Variants in GLRB observed in about 807,000 individuals in gnomAD.
GLRB encodes the protein glycine receptor beta, also known as glycine receptor subunit beta.
A neutral mutation model predicts 54.2 loss-of-function variants in GLRB; 33 were observed. That is an observed-to-expected ratio of 0.61 (90% CI 0.46 to 0.81). GLRB has a LOEUF of 0.81. GLRB is among the 40% of genes least tolerant of loss of function. GLRB has a pLI of 0.00. For synonymous variants in GLRB, 209 were observed against 208.2 expected, an observed-to-expected ratio of 1.00 and a Z score of -0.03; for missense variants, 572 against 584.6, an observed-to-expected ratio of 0.98 and a Z score of 0.22.
chr4:157,100,865 T>C (rs1734994209), intron 2 of GLRB, among the ~76,000 whole-genome samples: 1 of 152,006 alleles, frequency 6.6e-6, no homozygotes, highest in Admixed American at 6.6e-5. Context: ...AACTAGGAAA[T>C]TTTTGGTGCC....
chr4:157,117,450 G>T (rs149048273), intron 2 of GLRB, among the ~76,000 whole-genome samples: 3 of 151,518 alleles, frequency 2.0e-5, no homozygotes, highest in African/African-American at 7.3e-5. Context: ...GTTTAATCAC[G>T]TGAACATGAC....
At chr4:157,113,018 T>C (rs1252958159) in intron 2 of GLRB, among the ~76,000 whole-genome samples, 1 of 151,886 alleles carries the variant, frequency 6.6e-6, no homozygotes, top group Non-Finnish European at 1.5e-5. Flanking sequence ...CTTGGCCCAA[T>C]ATCATGTGGG....
chr4:157,145,774 G>A (rs1736784185), intron 8 of GLRB, among the ~76,000 whole-genome samples: 1 of 151,864 alleles, frequency 6.6e-6, no homozygotes, highest in Admixed American at 6.6e-5. Flanking sequence ...CACAGTGAGA[G>A]GGTAATACTG....
rs1371794111 is a variant in GLRB at position 157,136,786 on chromosome 4, A to G, written c.528-18A>G. The G allele has an allele frequency of 1.0e-5, 16 of 1,565,144 alleles. No homozygotes were observed. Among genetic ancestry groups the G allele is most frequent in the Non-Finnish European group, 1.4e-5 (16 of 1,135,496 alleles). On this transcript the variant is annotated intron_variant, in intron 5 of 9. Transcript: ENST00000264428. ...AGAAGTATATTAAATTATTTCTAAG[A>G]CCCATTTCTGCTTCCAGGTTATCTA...
In GLRB at chr4:157,136,511, C is replaced by A; in HGVS notation, c.340C>A (p.Pro114Thr). ...CTTCCTGAGACAAAAATGGAATGAC[C>A]CCAGGCTGAAGCTCCCCAGTGATTT... is the stretch of plus-strand genomic sequence containing the variant. ...NIFLRQKWNDPRLKLPSDFRG... is the reference protein window; with the variant it reads ...NIFLRQKWNDTRLKLPSDFRG... Residue 114 changes from proline to threonine, a missense_variant, in exon 5 of 10, where the codon CCC becomes ACC. By Grantham distance (38) the Pro-to-Thr change is conservative. Transcript: ENST00000264428. 6.2e-7 allele frequency: 1 copy of A among 1,612,612 alleles called. No individual in the cohort carries two copies. Among genetic ancestry groups the A allele is most frequent in the Non-Finnish European group, 8.5e-7 (1 of 1,178,786 alleles).
At chr4:157,163,248 G>T (rs750999607) in intron 9 of GLRB, among the ~76,000 whole-genome samples, 12 of 152,128 alleles carry the variant, frequency 7.9e-5, no homozygotes, top group Non-Finnish European at 1.6e-4. Context: ...GCTTCCCTTT[G>T]CTAGGAAAGG....
At chr4:157,118,680 A>G (rs1025752505) in intron 2 of GLRB, among the ~76,000 whole-genome samples, 1 of 151,424 alleles carries the variant, frequency 6.6e-6, no homozygotes, top group Admixed American at 6.6e-5. Context: ...TATGTCATAC[A>G]TTTTTTTCTG....
intron 9 of GLRB, among the ~76,000 whole-genome samples, chr4:157,160,079 G>A (rs1486573386): frequency 6.6e-6 from 1 of 152,092 alleles, no homozygotes; most frequent in Non-Finnish European, 1.5e-5. Flanking sequence ...TGTGTGTCGA[G>A]GAATTTATCC....
In GLRB at chr4:157,171,227, CTG is replaced by C. The variant is rs1175400504; in HGVS notation, c.*501_*502del. ...TTAAACTTTGTAAGTAGAAATATAT[CTG>C]TTATAATTATACAGGCTCTGTGGAG... is the stretch of plus-strand genomic sequence containing the variant. On this transcript the variant is annotated 3_prime_UTR_variant, in exon 10 of 10. Coordinates refer to ENST00000264428, the MANE Select transcript of GLRB (RefSeq NM_000824.5). The C allele has an allele frequency of 6.6e-6, 1 of 152,288 alleles. No homozygotes were observed. Among genetic ancestry groups the C allele is most frequent in the African/African-American group, 2.4e-5 (1 of 41,424 alleles). 9.4% of individuals were successfully genotyped at this position (152,288 alleles called of 1,614,324 possible). A position where few individuals can be genotyped will look rare whatever the true frequency, so the allele number is the denominator to read the frequency against.
chr4:157,157,668 A>G (rs1737288087), intron 9 of GLRB, among the ~76,000 whole-genome samples: 1 of 152,000 alleles, frequency 6.6e-6, no homozygotes, highest in African/African-American at 2.4e-5. Context: ...TAGGACATGA[A>G]CTCATCCTTT....
chr4:157,115,269 T>C (rs1414000913), intron 2 of GLRB, among the ~76,000 whole-genome samples: 4 of 146,856 alleles, frequency 2.7e-5, no homozygotes, highest in Admixed American at 2.0e-4. Context: ...TTTTTTTTTT[T>C]CCTGAACACT....
At chr4:157,134,344 C>A (rs1736323269) in intron 4 of GLRB, among the ~76,000 whole-genome samples, 1 of 151,794 alleles carries the variant, frequency 6.6e-6, no homozygotes, top group South Asian at 2.1e-4. Context: ...TTTGCTTGAG[C>A]CCAGGCTTTC....
At chr4:157,155,788 T>C (rs554373459) in intron 9 of GLRB, among the ~76,000 whole-genome samples, 1 of 152,294 alleles carries the variant, frequency 6.6e-6, no homozygotes, top group African/African-American at 2.4e-5. Context: ...TGAGTTGATC[T>C]TGTTTGGGAT....
intron 8 of GLRB, among the ~76,000 whole-genome samples, chr4:157,149,988 GA>G (rs1736958674): frequency 6.6e-6 from 1 of 151,968 alleles, no homozygotes; most frequent in Admixed American, 6.6e-5. Flanking sequence ...GGATGGACAA[GA>G]AATCTGTGGA....
intron 2 of GLRB, among the ~76,000 whole-genome samples, chr4:157,110,429 T>A (rs62331479): frequency 0.42 from 63,798 of 151,782 alleles, 15,806 homozygotes; most frequent in African/African-American, 0.7. Flanking sequence ...GTGCCACTGA[T>A]TTTCTCTATT....
chr4:157,124,641 AT>A (rs2126539532), intron 4 of GLRB, among the ~76,000 whole-genome samples: 1 of 151,974 alleles, frequency 6.6e-6, no homozygotes, highest in African/African-American at 2.4e-5. Flanking sequence ...AATGTTGAGC[AT>A]TTAGATGGCT....
At chr4:157,092,026 G>C (rs542984437) in intron 2 of GLRB, among the ~76,000 whole-genome samples, 2 of 151,660 alleles carry the variant, frequency 1.3e-5, no homozygotes, top group South Asian at 4.2e-4. Context: ...TAATATGGAG[G>C]AGAAAATATT....
intron 4 of GLRB, among the ~76,000 whole-genome samples, chr4:157,123,787 C>T (rs1735917540): frequency 6.6e-6 from 1 of 151,642 alleles, no homozygotes; most frequent in African/African-American, 2.4e-5. Flanking sequence ...GTTCTGTACC[C>T]TGGTTATCTA....
chr4:157,084,269 T>C (rs1734328200), intron 2 of GLRB, among the ~76,000 whole-genome samples: 1 of 152,206 alleles, frequency 6.6e-6, no homozygotes, highest in South Asian at 2.1e-4. Flanking sequence ...CTATCTTTTG[T>C]TGAAGACTGT....
Sources: allele counts gnomAD v4.1 joint callset (sites outside exome capture counted in the v4.1 genomes callset), GRCh38; gene constraint gnomAD v4.1.1; transcripts MANE v1.5; gene names NCBI Gene and HGNC (gene_info 2026-07-23, HGNC 2026-07-21).